The following SLC44A5 variants were observed in gnomAD, a reference collection of about 807,000 sequenced individuals.
The protein encoded by SLC44A5 is choline transporter-like protein 5.
Under a neutral mutation model 101.8 loss-of-function variants are expected in SLC44A5, and 57 were observed. That is an observed-to-expected ratio of 0.56 (90% CI 0.45 to 0.70). SLC44A5 has a LOEUF of 0.70. Ranked by LOEUF, SLC44A5 falls within the 30% of genes least tolerant of loss-of-function variation. The probability of loss-of-function intolerance (pLI) is 0.00; values close to 1 mark genes in which losing one functional copy is unlikely to be tolerated. For missense variants in SLC44A5, 737 were observed against 853.1 expected, an observed-to-expected ratio of 0.86 and a Z score of 1.70; for synonymous variants, 281 against 290.9, an observed-to-expected ratio of 0.97 and a Z score of 0.35.
At chr1:75,366,924 G>A (rs1465219569) in intron 3 of SLC44A5, among the ~76,000 whole-genome samples, 3 of 139,562 alleles carry the variant, frequency 2.1e-5, no homozygotes, top group Admixed American at 1.4e-4. Context: ...TTAATGCTCT[G>A]TTTTTGTTAT....
chr1:75,593,693 GA>G (rs1295094949), intron 1 of SLC44A5, among the ~76,000 whole-genome samples: 1 of 152,100 alleles, frequency 6.6e-6, no homozygotes, highest in Admixed American at 6.6e-5. Flanking sequence ...CAACAATGCA[GA>G]TGGAACTCGG....
intron 6 of SLC44A5, among the ~76,000 whole-genome samples, chr1:75,259,240 G>A (rs1650282530): frequency 1.3e-5 from 2 of 152,150 alleles, no homozygotes; most frequent in African/African-American, 4.8e-5. Context: ...CTGAGCTAAA[G>A]GAGCATGTTC....
At chr1:75,642,942 T>C in the SLC44A5 span, among the ~76,000 whole-genome samples, 1 of 152,176 alleles carries the variant, frequency 6.6e-6, no homozygotes, top group East Asian at 1.9e-4. Flanking sequence ...ACAAATTAAA[T>C]TGGTTTGGTA....
At chr1:75,623,825 C>A in the SLC44A5 span, among the ~76,000 whole-genome samples, 1 of 152,154 alleles carries the variant, frequency 6.6e-6, no homozygotes, top group South Asian at 2.1e-4. Flanking sequence ...TTGCACACCA[C>A]ACCTCAGTTG....
chr1:75,390,095 A>G (rs1197412498), intron 3 of SLC44A5, among the ~76,000 whole-genome samples: 1 of 152,140 alleles, frequency 6.6e-6, no homozygotes, highest in Non-Finnish European at 1.5e-5. Flanking sequence ...ATAGTCTCCC[A>G]AGATTTAATC....
At chr1:75,688,976 C>T in the SLC44A5 span, among the ~76,000 whole-genome samples, 12 of 152,300 alleles carry the variant, frequency 7.9e-5, no homozygotes, top group Admixed American at 7.2e-4. Flanking sequence ...TATCCAAATA[C>T]TGAGAGACAC....
At chr1:75,683,460 C>T in the SLC44A5 span, among the ~76,000 whole-genome samples, 2 of 151,812 alleles carry the variant, frequency 1.3e-5, no homozygotes, top group African/African-American at 2.4e-5. Context: ...TTTGTAGGGA[C>T]ATGGATGAAA....
chr1:75,677,891 G>T, the SLC44A5 span: 178 of 330,730 alleles, frequency 5.4e-4, 5 homozygotes, highest in East Asian at 0.018. Context: ...GTGGGCGCAG[G>T]TCAGTGGGTG....
At chr1:75,393,832 A>G (rs2040153906) in intron 3 of SLC44A5, among the ~76,000 whole-genome samples, 1 of 152,168 alleles carries the variant, frequency 6.6e-6, no homozygotes, top group Non-Finnish European at 1.5e-5. Context: ...TATCTAACTG[A>G]GAAATAACAG....
At position 75,227,731 on chromosome 1, in the gene SLC44A5, G is replaced by T; in HGVS notation, c.980C>A (p.Thr327Lys). The T allele has an allele frequency of 1.3e-6, 2 of 1,551,914 alleles. No homozygotes were observed. The highest frequency in any genetic ancestry group is 8.6e-7 in the Non-Finnish European group (1 of 1,160,842). ...MYFELQQTWFTFMIILCIIEV... is the reference protein window; with the variant it reads ...MYFELQQTWFKFMIILCIIEV... ...CCAGTTTTTAAAATACTCACTAAATGTGAACCATGTTTGTTGCAGTTCAAA... is the reference window on the plus strand; with the variant it reads ...CCAGTTTTTAAAATACTCACTAAATTTGAACCATGTTTGTTGCAGTTCAAA... Residue 327 changes from threonine (T) to lysine (K), a missense_variant, in exon 13 of 24, where the codon ACA becomes AAA. Thr to Lys is a moderately conservative substitution (Grantham distance 78). Around this residue, in one of 3 missense-constraint regions of SLC44A5, gnomAD observed 665 missense variants for 764.4 expected, o/e 0.87. Coordinates refer to ENST00000370859, the MANE Select transcript of SLC44A5 (RefSeq NM_001130058.2).
At chr1:75,396,255 T>C (rs1419370432) in intron 3 of SLC44A5, among the ~76,000 whole-genome samples, 1 of 151,894 alleles carries the variant, frequency 6.6e-6, no homozygotes, top group South Asian at 2.1e-4. Flanking sequence ...GAGAGAGAGA[T>C]TTGAACAAGA....
At chr1:75,432,026 G>A (rs1190501134) in intron 2 of SLC44A5, among the ~76,000 whole-genome samples, 2 of 152,108 alleles carry the variant, frequency 1.3e-5, no homozygotes, top group Non-Finnish European at 2.9e-5. Flanking sequence ...TGTCAAGCCA[G>A]TTCATGTCAA....
At chr1:75,350,272 A>G (rs1273524748) in intron 3 of SLC44A5, among the ~76,000 whole-genome samples, 2 of 151,980 alleles carry the variant, frequency 1.3e-5, no homozygotes, top group African/African-American at 4.8e-5. Flanking sequence ...TCTACCAGCC[A>G]TCTATAAATC....
chr1:75,268,422 A>C (rs1008491217), intron 6 of SLC44A5, among the ~76,000 whole-genome samples: 5 of 152,054 alleles, frequency 3.3e-5, no homozygotes, highest in Non-Finnish European at 7.4e-5. Flanking sequence ...ATTGATCACT[A>C]TTTGAAGCTA....
chr1:75,608,465 G>A (rs1018849889), intron 1 of SLC44A5, among the ~76,000 whole-genome samples: 7 of 151,744 alleles, frequency 4.6e-5, no homozygotes, highest in Admixed American at 2.0e-4. Flanking sequence ...CCTACATATT[G>A]GCTCGATATT....
chr1:75,399,276 G>A (rs941571754), intron 2 of SLC44A5, among the ~76,000 whole-genome samples: 1 of 151,982 alleles, frequency 6.6e-6, no homozygotes, highest in Non-Finnish European at 1.5e-5. Flanking sequence ...GAGTTTATAC[G>A]GCATACCTAG....
At chr1:75,238,412 A>ATATATATATATATATATATGTGTG (rs1443013609) in intron 10 of SLC44A5, 101 bp downstream of exon 10, 2 of 334,096 alleles carry the variant, frequency 6.0e-6, no homozygotes, top group African/African-American at 4.6e-5. Flanking sequence ...ATATATATAT[A>ATATATATATATATATATATGTGTG]TGTGATTATT....
chr1:75,442,110 GAT>G (rs1665242173), intron 2 of SLC44A5, among the ~76,000 whole-genome samples: 1 of 152,148 alleles, frequency 6.6e-6, no homozygotes, highest in Non-Finnish European at 1.5e-5. Context: ...ACTGCCAAGA[GAT>G]AGCTTTGTAA....
At chr1:75,217,506 G>A (rs1646986418) in intron 18 of SLC44A5, among the ~76,000 whole-genome samples, 1 of 151,988 alleles carries the variant, frequency 6.6e-6, no homozygotes, top group South Asian at 2.1e-4. Context: ...TATATTTTAA[G>A]CCTAACCTGA....
Sources: allele counts gnomAD v4.1 joint callset (sites outside exome capture counted in the v4.1 genomes callset), GRCh38; gene constraint gnomAD v4.1.1; regional missense constraint gnomAD v4.1.1; transcripts MANE v1.5; gene names NCBI Gene and HGNC (gene_info 2026-07-23, HGNC 2026-07-21).